Variants in CSRNP3 observed in about 807,000 individuals in gnomAD.
CSRNP3 encodes cysteine and serine rich nuclear protein 3, also known as cysteine/serine-rich nuclear protein 3.
Under a neutral mutation model 48.0 loss-of-function variants are expected in CSRNP3, and 12 were observed. The observed-to-expected ratio is 0.25, with a 90% CI of 0.16 to 0.41. The LOEUF (loss-of-function observed/expected upper bound fraction) is 0.41. Ranked by LOEUF, CSRNP3 falls within the 10% of genes least tolerant of loss-of-function variation. The probability of loss-of-function intolerance (pLI) is 1.00; values close to 1 mark genes in which losing one functional copy is unlikely to be tolerated. For synonymous variants in CSRNP3, 263 were observed against 269.7 expected, an observed-to-expected ratio of 0.98 and a Z score of 0.24; for missense variants, 580 against 724.4, an observed-to-expected ratio of 0.80 and a Z score of 2.29.
intron 3 of CSRNP3, among the ~76,000 whole-genome samples, chr2:165,520,784 TATA>T: frequency 3.1e-4 from 1 of 3,210 alleles, no homozygotes; most frequent in African/African-American, 1.8e-3. Flanking sequence ...ATATATATAT[TATA>T]TATATATATA....
chr2:165,519,792 T>TTAATTA (rs938385386), intron 3 of CSRNP3, among the ~76,000 whole-genome samples: 1 of 151,982 alleles, frequency 6.6e-6, no homozygotes, highest in Non-Finnish European at 1.5e-5. Flanking sequence ...AAAAACAAAA[T>TTAATTA]TAATTATGTC....
At chr2:165,643,723 G>A (rs142205802) in intron 4 of CSRNP3, among the ~76,000 whole-genome samples, 8 of 151,998 alleles carry the variant, frequency 5.3e-5, no homozygotes, top group Admixed American at 2.6e-4. Context: ...ATTTAAAATC[G>A]TCTTTGCTTA....
At chr2:165,527,550 A>T (rs763901375) in intron 3 of CSRNP3, among the ~76,000 whole-genome samples, 2 of 151,980 alleles carry the variant, frequency 1.3e-5, no homozygotes, top group Non-Finnish European at 1.5e-5. Flanking sequence ...AGAAAGGATA[A>T]TTATATATGT....
intron 4 of CSRNP3, among the ~76,000 whole-genome samples, chr2:165,637,249 T>C (rs1028978672): frequency 1.3e-5 from 2 of 152,216 alleles, no homozygotes; most frequent in Non-Finnish European, 2.9e-5. Flanking sequence ...CTAGGAAAGC[T>C]TGAGTTCTAA....
At chr2:165,586,882 C>T (rs992283505) in intron 3 of CSRNP3, among the ~76,000 whole-genome samples, 2 of 152,184 alleles carry the variant, frequency 1.3e-5, no homozygotes, top group Non-Finnish European at 2.9e-5. Context: ...TTTTATCCGT[C>T]CTCTTGATTT....
At chr2:165,484,590 T>C (rs962891451) in intron 1 of CSRNP3, among the ~76,000 whole-genome samples, 1 of 152,230 alleles carries the variant, frequency 6.6e-6, no homozygotes. Context: ...TTCTGTATTA[T>C]AGGGTGTTTT....
At chr2:165,582,286 A>G (rs1401455938) in intron 3 of CSRNP3, among the ~76,000 whole-genome samples, 2 of 152,240 alleles carry the variant, frequency 1.3e-5, no homozygotes, top group Non-Finnish European at 2.9e-5. Flanking sequence ...GTAGGTGCTC[A>G]CTAAATGCTA....
At chr2:165,610,565 T>A (rs1045404044) in intron 4 of CSRNP3, among the ~76,000 whole-genome samples, 1 of 152,180 alleles carries the variant, frequency 6.6e-6, no homozygotes, top group African/African-American at 2.4e-5. Context: ...ACCACCTCAG[T>A]CTTCATTTGT....
intron 4 of CSRNP3, among the ~76,000 whole-genome samples, chr2:165,640,630 T>C (rs1023186220): frequency 2.0e-5 from 3 of 152,184 alleles, no homozygotes; most frequent in Admixed American, 2.0e-4. Context: ...TTCTGAATAA[T>C]GTAGCTAGAT....
chr2:165,497,254 A>G (rs926455594), intron 2 of CSRNP3, among the ~76,000 whole-genome samples: 35 of 151,990 alleles, frequency 2.3e-4, no homozygotes, highest in African/African-American at 8.5e-4. Flanking sequence ...TGCAAAGTTG[A>G]TGAGTTTTTT....
At chr2:165,570,576 T>C (rs996560983) in intron 3 of CSRNP3, among the ~76,000 whole-genome samples, 7 of 149,000 alleles carry the variant, frequency 4.7e-5, no homozygotes, top group African/African-American at 7.4e-5. Flanking sequence ...TTTATTTCAA[T>C]GTTTTTGAAG....
At chr2:165,515,843 T>C (rs1258040573) in intron 2 of CSRNP3, among the ~76,000 whole-genome samples, 6 of 141,548 alleles carry the variant, frequency 4.2e-5, no homozygotes, top group Non-Finnish European at 9.0e-5. Context: ...TCTTGCTCTG[T>C]CACTCAGGCT....
At chr2:165,634,421 C>T (rs569028369) in intron 4 of CSRNP3, among the ~76,000 whole-genome samples, 1 of 152,218 alleles carries the variant, frequency 6.6e-6, no homozygotes, top group South Asian at 2.1e-4. Flanking sequence ...GTTCTGTCTG[C>T]CAGGAAATAT....
chr2:165,559,232 TAATA>T (rs1685199905), intron 3 of CSRNP3, among the ~76,000 whole-genome samples: 1 of 152,210 alleles, frequency 6.6e-6, no homozygotes, highest in South Asian at 2.1e-4. Flanking sequence ...CCACTTTTGT[TAATA>T]AATCTCTCTG....
intron 3 of CSRNP3, among the ~76,000 whole-genome samples, chr2:165,571,645 C>T (rs950572863): frequency 6.6e-6 from 1 of 151,868 alleles, no homozygotes; most frequent in African/African-American, 2.4e-5. Flanking sequence ...AAATAAGTTA[C>T]CGCAATTTTA....
intron 5 of CSRNP3, among the ~76,000 whole-genome samples, chr2:165,667,051 A>AG (rs1687240984): frequency 2.3e-4 from 2 of 8,770 alleles, no homozygotes; most frequent in Non-Finnish European, 5.1e-4. Flanking sequence ...AGAGAGAGAG[A>AG]AAGGAAGGAA....
At chr2:165,568,543 A>AG (rs1685326897) in intron 3 of CSRNP3, among the ~76,000 whole-genome samples, 1 of 152,094 alleles carries the variant, frequency 6.6e-6, no homozygotes, top group Non-Finnish European at 1.5e-5. Context: ...TGACAGCCTC[A>AG]GGGCAGTGAA....
chr2:165,518,278 A>G (rs1450428652), intron 3 of CSRNP3, among the ~76,000 whole-genome samples: 2 of 151,948 alleles, frequency 1.3e-5, no homozygotes, highest in Non-Finnish European at 2.9e-5. Context: ...GTTAAATATA[A>G]ACCTATTTAG....
intron 3 of CSRNP3, among the ~76,000 whole-genome samples, chr2:165,594,010 G>T (rs1439206323): frequency 2.0e-5 from 3 of 152,084 alleles, no homozygotes; most frequent in East Asian, 1.9e-4. Flanking sequence ...CTAGGAAATT[G>T]CCTTCAGGTT....
Sources: gnomAD v4.1 joint callset for allele counts (sites outside exome capture counted in the v4.1 genomes callset) on GRCh38, gnomAD v4.1.1 for gene constraint, MANE v1.5 for transcripts, NCBI Gene and HGNC (gene_info 2026-07-23, HGNC 2026-07-21) for gene names.